Variants in STPG2 observed in about 807,000 individuals in gnomAD.
STPG2 encodes the protein sperm tail PG-rich repeat containing 2, also known as sperm-tail PG-rich repeat-containing protein 2.
Under a neutral mutation model 54.2 loss-of-function variants are expected in STPG2, and 56 were observed. That is an observed-to-expected ratio of 1.03 (90% CI 0.83 to 1.29). STPG2 has a LOEUF of 1.29. Ranked by LOEUF, STPG2 falls within the 50% of genes most tolerant of loss-of-function variation. The pLI is 0.00. For missense variants in STPG2, 596 were observed against 544.9 expected (o/e 1.09, Z -0.93); for synonymous variants, 200 against 181.8 (o/e 1.10, Z -0.81).
chr4:97,925,582 A>G (rs1446889261), intron 8 of STPG2, among the ~76,000 whole-genome samples: 1 of 152,200 alleles, frequency 6.6e-6, no homozygotes, highest in East Asian at 1.9e-4. Context: ...ATAACAACAG[A>G]CCAACCAACA....
intron 8 of STPG2, among the ~76,000 whole-genome samples, chr4:97,942,223 T>C (rs996910638): frequency 3.6e-5 from 5 of 139,286 alleles, no homozygotes; most frequent in Non-Finnish European, 7.9e-5. Context: ...ATTTCCATTG[T>C]TTTTTCCTAC....
intron 8 of STPG2, among the ~76,000 whole-genome samples, chr4:97,842,421 A>C (rs1445584463): frequency 6.6e-6 from 1 of 151,880 alleles, no homozygotes; most frequent in East Asian, 1.9e-4. Context: ...ACCGGAAGAG[A>C]TTATAAAAAC....
intron 5 of STPG2, among the ~76,000 whole-genome samples, chr4:97,999,797 T>C (rs1051789491): frequency 3.3e-5 from 5 of 152,166 alleles, no homozygotes; most frequent in Non-Finnish European, 7.4e-5. Flanking sequence ...GCAGGTGTCA[T>C]ATAGACAATA....
intron 8 of STPG2, among the ~76,000 whole-genome samples, chr4:97,853,055 C>A (rs930843195): frequency 7.5e-6 from 1 of 132,674 alleles, no homozygotes. Flanking sequence ...CGGCTCACTG[C>A]AAGCTCTGCC....
intron 4 of STPG2, among the ~76,000 whole-genome samples, chr4:97,472,485 C>A (rs1251794355): frequency 6.6e-6 from 1 of 152,180 alleles, no homozygotes; most frequent in Non-Finnish European, 1.5e-5. Flanking sequence ...GCAAGGCCTG[C>A]TCTCAGGAAG....
At chr4:97,929,632 G>A (rs562112251) in intron 8 of STPG2, among the ~76,000 whole-genome samples, 4 of 152,168 alleles carry the variant, frequency 2.6e-5, no homozygotes, top group Non-Finnish European at 5.9e-5. Flanking sequence ...TATCAGTGAT[G>A]TTGAACTTTT....
chr4:97,778,503 C>A (rs532920833), intron 9 of STPG2, among the ~76,000 whole-genome samples: 2 of 152,162 alleles, frequency 1.3e-5, no homozygotes, highest in Non-Finnish European at 2.9e-5. Flanking sequence ...TCCACCTCTA[C>A]GGGCAGGGCA....
chr4:97,682,046 T>C (rs944062259), intron 10 of STPG2, among the ~76,000 whole-genome samples: 1 of 151,812 alleles, frequency 6.6e-6, no homozygotes, highest in African/African-American at 2.4e-5. Context: ...ATCTCTGTAA[T>C]ATAGACATGT....
At chr4:97,752,256 T>C (rs1725601235) in intron 9 of STPG2, among the ~76,000 whole-genome samples, 1 of 151,700 alleles carries the variant, frequency 6.6e-6, no homozygotes, top group Non-Finnish European at 1.5e-5. Context: ...ATATTACCAG[T>C]GAATGCTAAA....
chr4:97,737,554 C>T lies in STPG2; in HGVS notation c.1205-24740G>A, dbSNP rs531833108. On this transcript the variant is annotated intron_variant, in intron 9 of 10. Transcript: ENST00000295268. ...GCTGAAAGCCAAGGCTCGAGAACTA[C>T]GTGAAGAATGCAGAAGCCTCAGGAG... Among the ~76,000 whole-genome samples, 275 of 152,034 alleles carry T rather than the reference C, an allele frequency of 1.8e-3. 3 individuals carry two copies. Among genetic ancestry groups the T allele is most frequent in the African/African-American group, 6.0e-3 (250 of 41,460 alleles).
At chr4:97,875,033 C>T (rs1462655734) in intron 8 of STPG2, among the ~76,000 whole-genome samples, 3 of 151,858 alleles carry the variant, frequency 2.0e-5, no homozygotes, top group Admixed American at 1.3e-4. Flanking sequence ...ATTTTATTTG[C>T]TGATTAGTAT....
chr4:98,027,233 T>TGTCAC (rs1736451210), intron 5 of STPG2, among the ~76,000 whole-genome samples: 2 of 152,184 alleles, frequency 1.3e-5, no homozygotes, highest in African/African-American at 4.8e-5. Flanking sequence ...GAAAGTCTCT[T>TGTCAC]TTACCATGTC....
intron 9 of STPG2, among the ~76,000 whole-genome samples, chr4:97,817,167 C>T (rs1727943129): frequency 6.7e-6 from 1 of 149,806 alleles, no homozygotes; most frequent in Admixed American, 6.7e-5. Flanking sequence ...TATGTAACTT[C>T]CCTATGATTC....
chr4:97,499,113 C>T (rs377513002), intron 4 of STPG2, among the ~76,000 whole-genome samples: 44 of 151,966 alleles, frequency 2.9e-4, no homozygotes, highest in African/African-American at 8.9e-4. Flanking sequence ...AAACAACTTA[C>T]GTAATACAGG....
chr4:97,737,191 C>T (rs1332033472), intron 9 of STPG2, among the ~76,000 whole-genome samples: 2 of 152,100 alleles, frequency 1.3e-5, no homozygotes, highest in Middle Eastern at 3.2e-3. Flanking sequence ...AAAGGACATC[C>T]ACACCAAAAC....
intron 9 of STPG2, among the ~76,000 whole-genome samples, chr4:97,796,093 G>A (rs1313531388): frequency 6.6e-6 from 1 of 152,108 alleles, no homozygotes; most frequent in Admixed American, 6.6e-5. Context: ...GTAGATTCTG[G>A]ATATTAGCCC....
chr4:97,924,873 C>T (rs907481449), intron 8 of STPG2, among the ~76,000 whole-genome samples: 1 of 152,142 alleles, frequency 6.6e-6, no homozygotes, highest in African/African-American at 2.4e-5. Flanking sequence ...TCTTTTCACT[C>T]CCACATTTTC....
intron 8 of STPG2, among the ~76,000 whole-genome samples, chr4:97,880,177 G>A (rs982650554): frequency 6.6e-6 from 1 of 152,162 alleles, no homozygotes; most frequent in Non-Finnish European, 1.5e-5. Flanking sequence ...AAGATATTAT[G>A]CTAAGTGAGA....
chr4:97,903,149 G>A (rs1037022213), intron 8 of STPG2, among the ~76,000 whole-genome samples: 1 of 152,112 alleles, frequency 6.6e-6, no homozygotes, highest in Non-Finnish European at 1.5e-5. Flanking sequence ...GCACAGCATA[G>A]TGACTGTAAT....
Sources: gnomAD v4.1 joint callset for allele counts (sites outside exome capture counted in the v4.1 genomes callset) on GRCh38, gnomAD v4.1.1 for gene constraint, MANE v1.5 for transcripts, NCBI Gene and HGNC (gene_info 2026-07-23, HGNC 2026-07-21) for gene names.